Variants in RASGEF1A observed in about 807,000 individuals in gnomAD.
RASGEF1A encodes the protein RasGEF domain family member 1A.
RASGEF1A carries 18 observed loss-of-function variants against 56.4 expected under a neutral mutation model. That is an observed-to-expected ratio of 0.32 (90% CI 0.22 to 0.47). The LOEUF is 0.47. Ranked by LOEUF, RASGEF1A falls within the 20% of genes least tolerant of loss-of-function variation. RASGEF1A has a pLI of 1.00. For synonymous variants in RASGEF1A, 245 were observed against 242.6 expected, an observed-to-expected ratio of 1.01 and a Z score of -0.09; for missense variants, 422 against 627.1, an observed-to-expected ratio of 0.67 and a Z score of 3.49.
chr10:43,250,927 G>A (rs1266896212), intron 1 of RASGEF1A, among the ~76,000 whole-genome samples: 1 of 152,218 alleles, frequency 6.6e-6, no homozygotes, highest in Non-Finnish European at 1.5e-5. Flanking sequence ...CACCTGGGTG[G>A]AGGTGGAGAC....
At chr10:43,199,464 G>A (rs1482834738) in intron 7 of RASGEF1A, among the ~76,000 whole-genome samples, 7 of 152,230 alleles carry the variant, frequency 4.6e-5, no homozygotes, top group African/African-American at 1.2e-4. Context: ...ATGGTGCTGG[G>A]CACAAGGGGA....
rs921008508 is a variant in RASGEF1A, at chr10:43,250,625, G to A, written c.-7+16220C>T. 4.0e-5 allele frequency among the ~76,000 whole-genome samples: 6 copies of A among 150,252 alleles called. No homozygotes were observed. The South Asian group carries it at 6.5e-4, about 16-fold the overall frequency. On this transcript the variant is annotated intron_variant, in intron 1 of 12. Transcript: ENST00000395810. ...CCAGACTTGAGAAGCCCCAAGTGTGGGGTGTGCCGAAGGGGAAGGGGGGGG... is the reference window on the plus strand; with the variant it reads ...CCAGACTTGAGAAGCCCCAAGTGTGAGGTGTGCCGAAGGGGAAGGGGGGGG...
intron 1 of RASGEF1A, among the ~76,000 whole-genome samples, chr10:43,245,967 ACT>A (rs1363220524): frequency 6.6e-6 from 1 of 152,138 alleles, no homozygotes; most frequent in Non-Finnish European, 1.5e-5. Context: ...AAGAAGTAAA[ACT>A]ATCTCTATTT....
chr10:43,262,198 A>G lies in RASGEF1A; in HGVS notation c.-7+4647T>C, dbSNP rs1400577099. Among the ~76,000 whole-genome samples, 4 of 151,882 alleles carry G rather than the reference A, an allele frequency of 2.6e-5. No individual in the cohort carries two copies. The South Asian group carries it at 6.2e-4, about 24-fold the overall frequency. ...GTGGGGAAACAAGCCCTGCTGATAA[A>G]CCATCAGAACGCGCCCCCTCTCCTC... On this transcript the variant is annotated intron_variant, in intron 1 of 12. Transcript: ENST00000395810.
In RASGEF1A at chr10:43,198,919, G is replaced by A. The variant is rs1839845620; in HGVS notation, c.1032+14C>T. The A allele has an allele frequency of 1.9e-6, 3 of 1,610,256 alleles. No individual in the cohort carries two copies. On this transcript the variant is annotated intron_variant, in intron 9 of 12. Coordinates refer to ENST00000395810, the MANE Select transcript of RASGEF1A (RefSeq NM_145313.4). Reference sequence around the variant, plus strand: ...GGGTGCAGCTCGCAGCTGTGACGGGGCTCAGGTGCCTACCTCCAAGACATC... The same window carrying A: ...GGGTGCAGCTCGCAGCTGTGACGGGACTCAGGTGCCTACCTCCAAGACATC...
rs771628766 is a variant in RASGEF1A, at chr10:43,196,275, G to C, written c.1422-7C>G. The C allele has an allele frequency of 5.0e-6, 8 of 1,613,414 alleles. No homozygotes were observed. The highest frequency in any genetic ancestry group is 6.8e-6 in the Non-Finnish European group (8 of 1,179,712). ...TCTGTTCAGAAGGGTGGTCCTAGAG[G>C]GGGACAGGACAAGCAGTGCTCAGGC... On this transcript the variant is annotated splice_polypyrimidine_tract_variant and splice_region_variant and intron_variant, in intron 12 of 12. Coordinates refer to ENST00000395810, the MANE Select transcript of RASGEF1A (RefSeq NM_145313.4). This position sits in a 1 kb window ranked among gnomAD's most constrained non-coding sequence, Gnocchi z 4.6.
At position 43,195,524 on chromosome 10, in the gene RASGEF1A, AT is replaced by A. The variant is rs1210313207; in HGVS notation, c.*719del. The stretch of plus-strand genomic sequence containing the variant: ...GCTTCCCTCCCTTACCTTATTTTAG[AT>A]TTCCTCCTTTCTAAAATGTAGTTGA... On this transcript the variant is annotated 3_prime_UTR_variant, in exon 13 of 13. Transcript: ENST00000395810. The surrounding 1 kb of genome is among the most constrained non-coding windows in gnomAD (Gnocchi z 4.2). 5 of 152,326 alleles carry A rather than the reference AT, an allele frequency of 3.3e-5. No homozygotes were observed. The highest frequency in any genetic ancestry group is 3.3e-4 in the Admixed American group (5 of 15,274). The allele number at this position is 152,326 out of a possible 1,614,324, so 9.4% of individuals were successfully genotyped here.
In RASGEF1A at chr10:43,205,902, A is replaced by AG. The variant is rs762841444; in HGVS notation, c.198+16dup. On this transcript the variant is annotated intron_variant, in intron 2 of 12. Transcript: ENST00000395810. ...GTCACCCCATTAGTCTCACTCCACAAGGCCCCACGTACTCACATCGGGGTA... is the reference window on the plus strand; with the variant it reads ...GTCACCCCATTAGTCTCACTCCACAAGGGCCCCACGTACTCACATCGGGGTA... The AG allele has an allele frequency of 1.9e-6, 3 of 1,598,842 alleles. No homozygotes were observed. The East Asian group carries it at 6.7e-5, about 36-fold the overall frequency.
chr10:43,229,671 C>T, intron 1 of RASGEF1A: 1 of 1,489,862 alleles, frequency 6.7e-7, no homozygotes, highest in Non-Finnish European at 8.9e-7. Flanking sequence ...CGCCGGCTCC[C>T]CGCGCCGTCC....
intron 1 of RASGEF1A, among the ~76,000 whole-genome samples, chr10:43,250,218 C>T (rs1840611173): frequency 6.6e-6 from 1 of 152,214 alleles, no homozygotes; most frequent in East Asian, 1.9e-4. Flanking sequence ...GGAGCGCTGC[C>T]TGGGAGCCAG....
At chr10:43,205,125 C>T (rs1218927311) in intron 2 of RASGEF1A, among the ~76,000 whole-genome samples, 1 of 152,182 alleles carries the variant, frequency 6.6e-6, no homozygotes, top group East Asian at 1.9e-4. Flanking sequence ...GGGCAGCATC[C>T]CTCCCGCCCA....
At chr10:43,256,071 C>T (rs1476085677) in intron 1 of RASGEF1A, among the ~76,000 whole-genome samples, 1 of 152,206 alleles carries the variant, frequency 6.6e-6, no homozygotes, top group Non-Finnish European at 1.5e-5. Flanking sequence ...CCATCCCCAG[C>T]CTAGGGGGAG....
intron 1 of RASGEF1A, among the ~76,000 whole-genome samples, chr10:43,212,885 G>T (rs1397490443): frequency 1.5e-4 from 23 of 152,168 alleles, no homozygotes; most frequent in Admixed American, 1.5e-3. Flanking sequence ...GTTCACACAG[G>T]TGCACACATG....
chr10:43,243,598 C>T (rs55859570), intron 1 of RASGEF1A, among the ~76,000 whole-genome samples: 1 of 142,466 alleles, frequency 7.0e-6, no homozygotes. Context: ...TGGCCGCTGC[C>T]CCATCTGGGA....
chr10:43,207,387 C>T (rs893867284), intron 1 of RASGEF1A: 6 of 975,316 alleles, frequency 6.2e-6, no homozygotes, highest in South Asian at 9.6e-5. Context: ...ACACCCCCCA[C>T]GTCAACACAC....
At chr10:43,242,593 C>T (rs2133218982) in intron 1 of RASGEF1A, among the ~76,000 whole-genome samples, 1 of 152,270 alleles carries the variant, frequency 6.6e-6, no homozygotes, top group Non-Finnish European at 1.5e-5. Context: ...ACTGTACTGC[C>T]ATGATCTCGG....
At chr10:43,235,061 T>G (rs1222165025) in intron 1 of RASGEF1A, among the ~76,000 whole-genome samples, 2 of 152,224 alleles carry the variant, frequency 1.3e-5, no homozygotes, top group African/African-American at 4.8e-5. Context: ...CTTGGGTCAG[T>G]GGGGAACCCC....
At chr10:43,240,842 A>G (rs985496178) in intron 1 of RASGEF1A, among the ~76,000 whole-genome samples, 2 of 152,234 alleles carry the variant, frequency 1.3e-5, no homozygotes, top group Non-Finnish European at 2.9e-5. Context: ...AGATGAAAAT[A>G]TTCATCTCCA....
chr10:43,205,728 G>A (rs1203869237), intron 2 of RASGEF1A, among the ~76,000 whole-genome samples, 191 bp downstream of exon 2: 3 of 152,156 alleles, frequency 2.0e-5, no homozygotes, highest in Non-Finnish European at 4.4e-5. Context: ...CAGGCCACCT[G>A]CTAGCTGGTG....
Sources: allele counts gnomAD v4.1 joint callset (sites outside exome capture counted in the v4.1 genomes callset), GRCh38; gene constraint gnomAD v4.1.1; non-coding constraint Gnocchi (gnomAD v3.1); transcripts MANE v1.5; gene names NCBI Gene and HGNC (gene_info 2026-07-23, HGNC 2026-07-21).